NCOR2: variants seen among roughly 807,000 people sequenced by gnomAD.
NCOR2 encodes nuclear receptor corepressor 2, also known as CTG repeat protein 26.
A neutral mutation model predicts 262.9 loss-of-function variants in NCOR2; 81 were observed. The observed-to-expected ratio is 0.31, with a 90% confidence interval of 0.26 to 0.37. The LOEUF (loss-of-function observed/expected upper bound fraction) is 0.37. Among genes scored for constraint, NCOR2 ranks in the 10% least tolerant of loss-of-function variants. The probability of loss-of-function intolerance (pLI) is 1.00; values close to 1 mark genes in which losing one functional copy is unlikely to be tolerated. For synonymous variants in NCOR2, 1,659 were observed against 1,559.3 expected (o/e 1.06, Z -1.51); for missense variants, 3,385 against 3,621.4 (o/e 0.93, Z 1.68).
intron 1 of NCOR2, among the ~76,000 whole-genome samples, chr12:124,501,916 G>A (rs1289300712): frequency 6.6e-6 from 1 of 152,218 alleles, no homozygotes; most frequent in Non-Finnish European, 1.5e-5. Context: ...CTGGCCCGAG[G>A]AGAAGCCGGC....
intron 12 of NCOR2, among the ~76,000 whole-genome samples, chr12:124,422,163 G>A (rs12308644): frequency 0.024 from 3,612 of 152,322 alleles, 141 homozygotes; most frequent in African/African-American, 0.083. Context: ...TTGCAAGGAC[G>A]CTCCACGTGG....
intron 16 of NCOR2, among the ~76,000 whole-genome samples, chr12:124,395,747 G>A (rs941834585): frequency 1.3e-4 from 20 of 152,190 alleles, no homozygotes; most frequent in African/African-American, 4.1e-4. Context: ...CACGAGACAC[G>A]AGAAGGGATG....
chr12:124,430,924 A>G, intron 8 of NCOR2, 137 bp from the exon 11 acceptor site: 1 of 983,380 alleles, frequency 1.0e-6, no homozygotes, highest in Non-Finnish European at 1.5e-6. Flanking sequence ...ACACATATAC[A>G]GTCAGATACA....
intron 44 of NCOR2, 38 bp from the exon 47 acceptor site, chr12:124,327,671 G>A (rs543913660): frequency 2.6e-6 from 4 of 1,516,746 alleles, no homozygotes; most frequent in Non-Finnish European, 3.6e-6. Flanking sequence ...AGACACATGG[G>A]GGCCGGGGAG....
At chr12:124,526,873 C>A (rs2050497754) in intron 1 of NCOR2, among the ~76,000 whole-genome samples, 1 of 152,216 alleles carries the variant, frequency 6.6e-6, no homozygotes. Flanking sequence ...GCTCCTCCAC[C>A]TCCCTGAGCC....
chr12:124,494,596 G>A (rs2048279010), intron 1 of NCOR2, among the ~76,000 whole-genome samples: 1 of 152,130 alleles, frequency 6.6e-6, no homozygotes, highest in Non-Finnish European at 1.5e-5. Flanking sequence ...CTGGCCACAG[G>A]GCGGGCTCCC....
intron 30 of NCOR2, among the ~76,000 whole-genome samples, chr12:124,347,167 G>A (rs989779215): frequency 6.6e-6 from 1 of 152,192 alleles, no homozygotes; most frequent in Non-Finnish European, 1.5e-5. Context: ...TCAGGAGTTC[G>A]AGACCAGCCT....
At chr12:124,411,780 G>A (rs953219720) in intron 13 of NCOR2, among the ~76,000 whole-genome samples, 2 of 152,224 alleles carry the variant, frequency 1.3e-5, no homozygotes, top group African/African-American at 2.4e-5. Context: ...GATGGGGCTC[G>A]GAGCCCAAGA....
At chr12:124,409,239 T>C (rs1467409342) in intron 13 of NCOR2, among the ~76,000 whole-genome samples, 2 of 152,254 alleles carry the variant, frequency 1.3e-5, no homozygotes, top group Non-Finnish European at 2.9e-5. Context: ...TCCCTGCTCC[T>C]GCTCTGAGGC....
chr12:124,475,229 C>T (rs1474971026), intron 3 of NCOR2, among the ~76,000 whole-genome samples: 2 of 152,242 alleles, frequency 1.3e-5, no homozygotes, highest in East Asian at 1.9e-4. Flanking sequence ...ATCCCTCAAT[C>T]GCCCCAATGC....
At chr12:124,376,147 C>G (rs2039977554) in intron 18 of NCOR2, among the ~76,000 whole-genome samples, 1 of 152,224 alleles carries the variant, frequency 6.6e-6, no homozygotes, top group Non-Finnish European at 1.5e-5. Flanking sequence ...TAATCAGGGC[C>G]TCTCACCTGC....
chr12:124,339,898 C>A, intron 37 of NCOR2, 108 bp downstream of exon 39: 7 of 596,964 alleles, frequency 1.2e-5, no homozygotes, highest in South Asian at 1.0e-4. Context: ...CATCTGCCCA[C>A]CCACCCACCT....
chr12:124,330,778 T>C (rs1166443685), intron 44 of NCOR2, 67 bp downstream of exon 46: 2 of 1,511,584 alleles, frequency 1.3e-6, no homozygotes, highest in Non-Finnish European at 1.8e-6. Context: ...TCATGACAGC[T>C]GGAGCAGGGG....
chr12:124,551,912 G>A (rs1219553750), intron 1 of NCOR2, among the ~76,000 whole-genome samples: 1 of 152,228 alleles, frequency 6.6e-6, no homozygotes, highest in Non-Finnish European at 1.5e-5. Flanking sequence ...GGGAGACCCA[G>A]CCGGGAGAAA....
At chr12:124,403,673 T>C (rs2042105747) in intron 13 of NCOR2, among the ~76,000 whole-genome samples, 1 of 152,128 alleles carries the variant, frequency 6.6e-6, no homozygotes, top group Non-Finnish European at 1.5e-5. Context: ...GAGCAAGAAC[T>C]CCAAGCAGAT....
At chr12:124,365,911 C>G (rs906302) in intron 20 of NCOR2, among the ~76,000 whole-genome samples, 7,702 of 152,234 alleles carry the variant, frequency 0.051, 504 homozygotes, top group East Asian at 0.35. Context: ...TCCCAACATT[C>G]TCCACCTGCG....
exon 47 of NCOR2, chr12:124,325,312 TG>T: frequency 1.2e-6 from 1 of 850,586 alleles, no homozygotes; most frequent in Non-Finnish European, 1.6e-6. Context: ...CTTCCTTGGT[TG>T]GGGGAGTCGG....
chr12:124,436,548 C>T (rs185324670), intron 8 of NCOR2, among the ~76,000 whole-genome samples: 19 of 152,330 alleles, frequency 1.2e-4, no homozygotes, highest in Admixed American at 3.9e-4. Flanking sequence ...CCAGCAGCCC[C>T]GTGGCTTGGG....
chr12:124,501,086 A>G (rs1366104558), intron 1 of NCOR2, among the ~76,000 whole-genome samples: 22 of 150,626 alleles, frequency 1.5e-4, no homozygotes, highest in East Asian at 7.9e-4. Context: ...ACACACACAC[A>G]CACACACACA....
Sources: allele counts gnomAD v4.1 joint callset (sites outside exome capture counted in the v4.1 genomes callset), GRCh38; gene constraint gnomAD v4.1.1; transcripts MANE v1.5; gene names NCBI Gene and HGNC (gene_info 2026-07-23, HGNC 2026-07-21).